Variants in LMO7 observed in about 807,000 individuals in gnomAD.
The protein encoded by LMO7 is LIM domain 7.
LMO7 carries 120 observed loss-of-function variants against 206.5 expected under a neutral mutation model. That is an observed-to-expected ratio of 0.58 (90% CI 0.50 to 0.68). LMO7 has a LOEUF of 0.68. Among genes scored for constraint, LMO7 ranks in the 30% least tolerant of loss-of-function variants. LMO7 has a pLI of 0.00. For missense variants in LMO7, 1,959 were observed against 1,957.9 expected (o/e 1.00, Z -0.01); for synonymous variants, 706 against 681.5 (o/e 1.04, Z -0.56).
At chr13:75,762,339 G>C (rs1339925487) in intron 4 of LMO7, among the ~76,000 whole-genome samples, 1 of 152,100 alleles carries the variant, frequency 6.6e-6, no homozygotes, top group Non-Finnish European at 1.5e-5. Context: ...ATATTTGGGT[G>C]TATTTGTTTT....
chr13:75,704,769 G>C (rs1332718591), intron 1 of LMO7, among the ~76,000 whole-genome samples: 1 of 152,186 alleles, frequency 6.6e-6, no homozygotes, highest in Non-Finnish European at 1.5e-5. Flanking sequence ...GGAACTGAGC[G>C]ATAGAGCTTC....
rs140268571 is a variant in LMO7, at chr13:75,802,604, G to T, written c.662-1685G>T. Reference sequence around the variant, plus strand: ...AAGTCGTCTTCTCAGATCCTTGTTGGAATGGGCACCTGTCCATGTAACCAA... The same window carrying T: ...AAGTCGTCTTCTCAGATCCTTGTTGTAATGGGCACCTGTCCATGTAACCAA... On this transcript the variant is annotated intron_variant, in intron 7 of 30. Transcript: ENST00000377534. Among the ~76,000 whole-genome samples, 33 of 152,264 alleles carry T rather than the reference G, an allele frequency of 2.2e-4. No individual in the cohort carries two copies. In the South Asian group the frequency reaches 2.3e-3, roughly 11 times the overall value.
At chr13:75,834,490 T>A (rs1002812874) in intron 17 of LMO7, 103 bp downstream of exon 17, 50 of 889,496 alleles carry the variant, frequency 5.6e-5, no homozygotes, top group Non-Finnish European at 7.5e-5. Flanking sequence ...TTTTCACTTA[T>A]GTTTTGGCAT....
rs116092864 is a variant in LMO7, at chr13:75,768,134, G to T, written c.317+7096G>T. Among the ~76,000 whole-genome samples, 386 of 152,056 alleles carry T rather than the reference G, an allele frequency of 2.5e-3. 3 individuals are homozygous for T. The highest frequency in any genetic ancestry group is 8.6e-3 in the African/African-American group (355 of 41,518). ...ATAAATGGTATTGAATTATCATTCT[G>T]ATCATTTTCATAATTTGGCTTCCCT... On this transcript the variant is annotated intron_variant, in intron 4 of 30. Coordinates refer to ENST00000377534, the MANE Select transcript of LMO7 (RefSeq NM_001306080.2).
At chr13:75,653,789 C>T (rs1406744439) in intron 1 of LMO7, among the ~76,000 whole-genome samples, 2 of 152,188 alleles carry the variant, frequency 1.3e-5, no homozygotes, top group East Asian at 3.8e-4. Flanking sequence ...AGTGAACTTA[C>T]ACTTGCAATT....
In LMO7 at chr13:75,805,495, T is replaced by TG. The variant is rs1340691609; in HGVS notation, c.935dup (p.Thr313HisfsTer36). 1.2e-6 allele frequency: 2 copies of TG among 1,613,762 alleles called. No homozygotes were observed. The highest frequency in any genetic ancestry group is 1.7e-5 in the Admixed American group (1 of 60,004). ...TTTGAACAGTAATCAGAGGAGGATT[T>TG]GGGGCACCAATGTGGAGAACTGGCC... is the stretch of plus-strand genomic sequence containing the variant. On this transcript the variant is annotated frameshift_variant, in exon 9 of 31. Transcript: ENST00000377534. LOFTEE classifies it high-confidence loss of function.
intron 4 of LMO7, among the ~76,000 whole-genome samples, chr13:75,768,228 G>A (rs149093048): frequency 2.2e-3 from 329 of 152,174 alleles, no homozygotes; most frequent in Non-Finnish European, 4.1e-3. Context: ...GCCTCTGGCT[G>A]CTTAAATTTT....
Position 75,726,843 on chromosome 13 carries a change from A to G in LMO7, c.141-186A>G, listed in dbSNP as rs145637683. ...TATAGACTATGGAGAACAACTCACC[A>G]TTGTGTGTGGTGCTCTTCTTTGTCT... On this transcript the variant is annotated intron_variant, in intron 2 of 30. Transcript: ENST00000377534. 1.1e-4 allele frequency among the ~76,000 whole-genome samples: 16 copies of G among 152,216 alleles called. No individual in the cohort carries two copies. In the East Asian group the frequency reaches 2.3e-3, roughly 22 times the overall value.
chr13:75,771,004 T>C (rs1278025594), intron 4 of LMO7, among the ~76,000 whole-genome samples: 1 of 152,120 alleles, frequency 6.6e-6, no homozygotes, highest in African/African-American at 2.4e-5. Context: ...ACGTTCTTTC[T>C]AGGGCTATGT....
At chr13:75,820,246 G>T (rs1250770075) in intron 13 of LMO7, among the ~76,000 whole-genome samples, 1 of 152,190 alleles carries the variant, frequency 6.6e-6, no homozygotes, top group East Asian at 1.9e-4. Flanking sequence ...TGGGAGGTAG[G>T]TATTCCTTTC....
At chr13:75,776,642 G>A (rs1019108097) in intron 4 of LMO7, among the ~76,000 whole-genome samples, 15 of 152,132 alleles carry the variant, frequency 9.9e-5, no homozygotes, top group Non-Finnish European at 4.4e-5. Context: ...GTGTAAAAAA[G>A]TTATTAGCCT....
chr13:75,769,779 T>G (rs1374943457), intron 4 of LMO7, among the ~76,000 whole-genome samples: 1 of 152,128 alleles, frequency 6.6e-6, no homozygotes, highest in South Asian at 2.1e-4. Context: ...CCCTAGATGC[T>G]TATCAAGTAT....
At position 75,718,255 on chromosome 13, in the gene LMO7, G is replaced by A. The variant is rs190458594; in HGVS notation, c.140+5003G>A. On this transcript the variant is annotated intron_variant, in intron 2 of 30. Transcript: ENST00000377534. Reference sequence around the variant, plus strand: ...AACATGAACTTAAAAATTCACTTCAGTTATGGTAGAGACACTCTAAAGACT... The same window carrying A: ...AACATGAACTTAAAAATTCACTTCAATTATGGTAGAGACACTCTAAAGACT... Among the ~76,000 whole-genome samples, 312 of 152,296 alleles carry A rather than the reference G, an allele frequency of 2.0e-3. 1 individual carries two copies. In the Middle Eastern group the frequency reaches 0.021, roughly 10 times the overall value.
chr13:75,849,296 C>T lies in LMO7; in HGVS notation c.4364+4C>T, dbSNP rs748289721. On this transcript the variant is annotated splice_donor_region_variant and intron_variant, in intron 27 of 30. Transcript: ENST00000377534. ...GTCTTCCTGGGATCATGAGAAGGTG[C>T]GAGACATCTTAGGAATTGGTTTCTT... 2.8e-5 allele frequency: 45 copies of T among 1,607,962 alleles called. No homozygotes were observed. The highest frequency in any genetic ancestry group is 1.8e-4 in the Admixed American group (11 of 59,970).
In LMO7 at chr13:75,808,001, G is replaced by T. The variant is rs1487626067; in HGVS notation, c.1718G>T (p.Ser573Ile). The T allele has an allele frequency of 6.2e-7, 1 of 1,613,776 alleles. No individual in the cohort carries two copies. Among genetic ancestry groups the T allele is most frequent in the Non-Finnish European group, 8.5e-7 (1 of 1,179,866 alleles). The change falls in exon 10 of 31, where the codon AGC (serine) becomes ATC (isoleucine). Residue 573 changes from serine to isoleucine, a missense_variant. Physicochemically the swap from Ser to Ile is moderately radical, Grantham distance 142. Coordinates refer to ENST00000377534, the MANE Select transcript of LMO7 (RefSeq NM_001306080.2). ...RTCPSKEKSNSCRILVPSYRQ... is the reference protein window; with the variant it reads ...RTCPSKEKSNICRILVPSYRQ... Reference sequence around the variant, plus strand: ...TGCCCATCCAAAGAAAAAAGTAATAGCTGTAGAATATTAGTTCCTTCATAT... The same window carrying T: ...TGCCCATCCAAAGAAAAAAGTAATATCTGTAGAATATTAGTTCCTTCATAT...
chr13:75,708,408 C>T (rs2042816143), intron 1 of LMO7, among the ~76,000 whole-genome samples: 1 of 152,214 alleles, frequency 6.6e-6, no homozygotes, highest in African/African-American at 2.4e-5. Context: ...GTCTGCAGGA[C>T]ACAGCCCTTC....
intron 2 of LMO7, among the ~76,000 whole-genome samples, chr13:75,722,811 A>G (rs1262115505): frequency 6.6e-6 from 1 of 152,218 alleles, no homozygotes; most frequent in Non-Finnish European, 1.5e-5. Context: ...TGGTGTATAT[A>G]TGCATATACC....
chr13:75,690,452 A>AAT (rs536059791), intron 1 of LMO7, among the ~76,000 whole-genome samples: 23 of 152,210 alleles, frequency 1.5e-4, no homozygotes, highest in South Asian at 8.3e-4. Flanking sequence ...TGCTGTGATA[A>AAT]ATATATATAT....
At position 75,800,885 on chromosome 13, in the gene LMO7, G is replaced by A. The variant is rs1286239126; in HGVS notation, c.661+3G>A. ...CACGTTGAGAGGGGGGCGTGAAGGT[G>A]TGTTGTGTTTTGGCTGTCAGTTTAT... On this transcript the variant is annotated splice_donor_region_variant and intron_variant, in intron 7 of 30. Transcript: ENST00000377534. 1 of 1,613,512 alleles carries A rather than the reference G, an allele frequency of 6.2e-7. No individual in the cohort carries two copies. The highest frequency in any genetic ancestry group is 1.1e-5 in the South Asian group (1 of 91,064).
Sources: allele counts gnomAD v4.1 joint callset (sites outside exome capture counted in the v4.1 genomes callset), GRCh38; gene constraint gnomAD v4.1.1; transcripts MANE v1.5; gene names NCBI Gene and HGNC (gene_info 2026-07-23, HGNC 2026-07-21).